ZNF273: variants seen among roughly 807,000 people sequenced by gnomAD.
The protein encoded by ZNF273 is zinc finger protein 273, also known as zinc finger protein 9.
A neutral mutation model predicts 14.9 loss-of-function variants in ZNF273; 11 were observed. That is an observed-to-expected ratio of 0.74 (90% CI 0.46 to 1.22). ZNF273 has a LOEUF of 1.22. ZNF273 is among the 50% of genes most tolerant of loss of function. The pLI, the probability that ZNF273 is intolerant of heterozygous loss-of-function variation, is 0.00. For missense variants in ZNF273, 577 were observed against 660.6 expected (o/e 0.87, Z 1.39); for synonymous variants, 199 against 223.9 (o/e 0.89, Z 0.99).
chr7:64,936,529 A>G, the ZNF273 span, among the ~76,000 whole-genome samples: 1 of 152,188 alleles, frequency 6.6e-6, no homozygotes, highest in Non-Finnish European at 1.5e-5. Context: ...ATAAAATTTG[A>G]TGTATCCTAC....
Position 64,918,296 on chromosome 7 carries a change from G to C in ZNF273, c.325+4G>C. 1 of 1,553,286 alleles carries C rather than the reference G, an allele frequency of 6.4e-7. No individual in the cohort carries two copies. Among genetic ancestry groups the C allele is most frequent in the South Asian group, 1.1e-5 (1 of 89,694 alleles). ...GCGATGGTAGCCAAACCCCCAGGTAGGTGAGAGTGATAGCGAATATAACAG... is the reference window on the plus strand; with the variant it reads ...GCGATGGTAGCCAAACCCCCAGGTACGTGAGAGTGATAGCGAATATAACAG... On this transcript the variant is annotated splice_donor_region_variant and intron_variant, in intron 3 of 3. Coordinates refer to ENST00000476120, the MANE Select transcript of ZNF273 (RefSeq NM_021148.3).
At chr7:64,914,361 A>C (rs1793801487) in intron 1 of ZNF273, among the ~76,000 whole-genome samples, 1 of 148,412 alleles carries the variant, frequency 6.7e-6, no homozygotes, top group African/African-American at 2.4e-5. Flanking sequence ...AAAAAAAAAA[A>C]ACACTATTAT....
At chr7:64,911,346 C>G (rs995929723) in intron 1 of ZNF273, among the ~76,000 whole-genome samples, 46 of 151,738 alleles carry the variant, frequency 3.0e-4, no homozygotes, top group African/African-American at 1.1e-3. Context: ...TCACTGCAGC[C>G]TCTGCCTCCT....
rs1448653532 is a variant in ZNF273 at position 64,928,800 on chromosome 7, G to A, written c.1472G>A (p.Cys491Tyr). 1.9e-6 allele frequency: 3 copies of A among 1,613,726 alleles called. No individual in the cohort carries two copies. In the East Asian group the frequency reaches 6.7e-5, roughly 36 times the overall value. Reference protein sequence around the residue: ...TGEKPYKCNECGKAFNWSSTL... With the variant: ...TGEKPYKCNEYGKAFNWSSTL... ...GAGAAACCTTACAAATGCAATGAAT[G>A]TGGTAAAGCCTTTAACTGGTCCTCA... Residue 491 changes from cysteine to tyrosine, a missense_variant, in exon 4 of 4, where the codon TGT (cysteine) becomes TAT (tyrosine). By Grantham distance (194) the Cys-to-Tyr change is radical. Transcript: ENST00000476120.
At chr7:64,919,577 G>T (rs1794281431) in intron 3 of ZNF273, among the ~76,000 whole-genome samples, 1 of 152,144 alleles carries the variant, frequency 6.6e-6, no homozygotes, top group African/African-American at 2.4e-5. Flanking sequence ...AGGTTGCAGT[G>T]AGCTGAGATC....
intron 1 of ZNF273, among the ~76,000 whole-genome samples, chr7:64,911,045 CGT>C (rs1049089191): frequency 1.3e-5 from 2 of 151,894 alleles, no homozygotes; most frequent in Non-Finnish European, 2.9e-5. Context: ...GGATTACAGG[CGT>C]GAGTGAGCCA....
At chr7:64,912,938 C>T (rs978781533) in intron 1 of ZNF273, among the ~76,000 whole-genome samples, 10 of 148,054 alleles carry the variant, frequency 6.8e-5, no homozygotes, top group African/African-American at 2.5e-4. Context: ...AAGTGATTCT[C>T]TTGTTTTAGC....
downstream of ZNF273, among the ~76,000 whole-genome samples, chr7:64,880,689 C>T (rs988034828): frequency 1.3e-5 from 2 of 151,982 alleles, no homozygotes; most frequent in Non-Finnish European, 1.5e-5. Context: ...TATAAATTGG[C>T]GGGCTAGCTG....
At chr7:64,921,559 A>T (rs1230086446) in intron 3 of ZNF273, among the ~76,000 whole-genome samples, 1 of 137,396 alleles carries the variant, frequency 7.3e-6, no homozygotes, top group African/African-American at 2.7e-5. Context: ...TGGTAAATTG[A>T]CCTATTTTAC....
intron 1 of ZNF273, among the ~76,000 whole-genome samples, chr7:64,912,832 T>TGTTGTTGTTGTG (rs1554386326): frequency 1.6e-5 from 1 of 61,196 alleles, no homozygotes; most frequent in Admixed American, 1.9e-4. Context: ...TTTAGTTTTT[T>TGTTGTTGTTGTG]TTTTTTTTTT....
At chr7:64,885,569 G>A (rs1002096264) in intron 1 of ZNF273, among the ~76,000 whole-genome samples, 18 of 152,122 alleles carry the variant, frequency 1.2e-4, no homozygotes, top group Non-Finnish European at 1.8e-4. Context: ...GGGTCACTTC[G>A]CACCTACACC....
intron 3 of ZNF273, chr7:64,924,506 C>G (rs1794677838): frequency 1.6e-5 from 2 of 123,820 alleles, no homozygotes; most frequent in African/African-American, 5.7e-5. Flanking sequence ...GAGACACACA[C>G]TCACACATAC....
chr7:64,880,911 G>C (rs1018623076), downstream of ZNF273, among the ~76,000 whole-genome samples: 8 of 152,114 alleles, frequency 5.3e-5, no homozygotes, highest in Non-Finnish European at 1.2e-4. Flanking sequence ...GTCGTGAGGC[G>C]GGCACTCCTC....
rs760458805 is a variant in ZNF273 at position 64,928,549 on chromosome 7, T to C, written c.1221T>C (p.Cys407=). Residue 407 remains cysteine, a synonymous_variant, in exon 4 of 4, where the codon TGT becomes TGC. Coordinates refer to ENST00000476120, the MANE Select transcript of ZNF273 (RefSeq NM_021148.3). The part of the protein sequence containing the change: ...TGEKPYKCEE[C]GKAFKRSTTL... ...AGAAACCCTACAAATGTGAAGAATG[T>C]GGTAAAGCCTTTAAACGGTCCACAA... 1 of 1,613,918 alleles carries C rather than the reference T, an allele frequency of 6.2e-7. No individual in the cohort carries two copies. Among genetic ancestry groups the C allele is most frequent in the South Asian group, 1.1e-5 (1 of 91,076 alleles).
At chr7:64,889,570 A>G (rs1362519768), downstream of ZNF273, 2 of 985,502 alleles carry the variant, frequency 2.0e-6, no homozygotes, top group African/African-American at 3.5e-5. The surrounding 1 kb of genome is among the most constrained non-coding windows in gnomAD (Gnocchi z 4.2). Context: ...CCTGAGAGGG[A>G]CAGTGAGATG....
upstream of ZNF273, among the ~76,000 whole-genome samples, chr7:64,899,969 AG>A (rs1792590450): frequency 6.6e-6 from 1 of 152,114 alleles, no homozygotes; most frequent in African/African-American, 2.4e-5. Context: ...CATGTTGGTC[AG>A]GCTGGTCTCG....
chr7:64,892,745 C>T (rs1483901488), downstream of ZNF273, among the ~76,000 whole-genome samples: 14 of 151,980 alleles, frequency 9.2e-5, no homozygotes, highest in African/African-American at 4.8e-5. Flanking sequence ...ACACAGGGCA[C>T]GAAAGATTGG....
At chr7:64,888,479 C>G (rs1791747085) in intron 1 of ZNF273, 9 of 985,862 alleles carry the variant, frequency 9.1e-6, no homozygotes, top group Non-Finnish European at 1.1e-5. Flanking sequence ...GCTTCCTCCT[C>G]TGTCAAATGG....
At chr7:64,884,141 T>C (rs1791440112), downstream of ZNF273, among the ~76,000 whole-genome samples, 4 of 152,250 alleles carry the variant, frequency 2.6e-5, no homozygotes, top group African/African-American at 9.6e-5. Context: ...TGTTGCTGTA[T>C]GTGAGTGCCT....
Sources: allele counts gnomAD v4.1 joint callset (sites outside exome capture counted in the v4.1 genomes callset), GRCh38; gene constraint gnomAD v4.1.1; non-coding constraint Gnocchi (gnomAD v3.1); transcripts MANE v1.5; gene names NCBI Gene and HGNC (gene_info 2026-07-23, HGNC 2026-07-21).